FYB1: variants seen among roughly 807,000 people sequenced by gnomAD.
FYB1 encodes the protein FYN-binding protein 1.
FYB1 carries 41 observed loss-of-function variants against 94.1 expected under a neutral mutation model. The observed-to-expected ratio is 0.44, with a 90% CI of 0.34 to 0.57. The LOEUF (loss-of-function observed/expected upper bound fraction) is 0.57, where lower values mean the gene tolerates loss of function less well. FYB1 is among the 20% of genes least tolerant of loss of function. FYB1 has a pLI of 0.02. For missense variants in FYB1, 1,050 were observed against 976.8 expected (o/e 1.07, Z -1.00); for synonymous variants, 367 against 353.2 (o/e 1.04, Z -0.44).
At chr5:39,137,374 G>A (rs1741758810) in intron 7 of FYB1, 2 of 361,824 alleles carry the variant, frequency 5.5e-6, no homozygotes, top group Non-Finnish European at 9.9e-6. Context: ...AAATTTCCTG[G>A]GTGTCCACTA....
chr5:39,223,217 A>T (rs955637821), upstream of FYB1, among the ~76,000 whole-genome samples: 1 of 152,150 alleles, frequency 6.6e-6, no homozygotes, highest in African/African-American at 2.4e-5. Context: ...ACAGGCAACC[A>T]ATTTTCTGAA....
rs1210752524 is a variant in FYB1 at position 39,134,222 on chromosome 5, C to T, written c.1803G>A (p.Gln601=). 5.2e-5 allele frequency: 84 copies of T among 1,610,606 alleles called. No individual in the cohort carries two copies. The highest frequency in any genetic ancestry group is 5.9e-5 in the Non-Finnish European group (70 of 1,177,556). The part of the protein sequence containing the change: ...DQEVYDDVAE[Q]DDISSHSQSG... ...CTTGCACATACCTGCTAATATCATC[C>T]TGCTCTGCAACATCATCATATACTT... is the stretch of plus-strand genomic sequence containing the variant. Residue 601 remains glutamine, a synonymous_variant, in exon 9 of 19, where the codon CAG becomes CAA. Transcript: ENST00000512982.
At chr5:39,116,112 C>T (rs1286165949) in intron 16 of FYB1, among the ~76,000 whole-genome samples, 2 of 152,162 alleles carry the variant, frequency 1.3e-5, no homozygotes, top group African/African-American at 4.8e-5. Flanking sequence ...GATCAAGCTC[C>T]AATAATCCAA....
At chr5:39,162,203 G>T (rs551435197) in intron 2 of FYB1, among the ~76,000 whole-genome samples, 1 of 152,184 alleles carries the variant, frequency 6.6e-6, no homozygotes, top group Non-Finnish European at 1.5e-5. Context: ...AATACCAAGA[G>T]TAGAATTGCT....
chr5:39,257,820 A>G (rs79962210), intron 1 of FYB1, among the ~76,000 whole-genome samples: 1 of 150,976 alleles, frequency 6.6e-6, no homozygotes, highest in Non-Finnish European at 1.5e-5. Flanking sequence ...AAAAAAAAAA[A>G]GTACCTGAGC....
intron 2 of FYB1, among the ~76,000 whole-genome samples, chr5:39,180,001 C>A (rs1746072635): frequency 6.6e-6 from 1 of 152,154 alleles, no homozygotes; most frequent in South Asian, 2.1e-4. Context: ...ATTCTCCTTA[C>A]CTTGGCACTT....
intron 1 of FYB1, among the ~76,000 whole-genome samples, chr5:39,237,313 AG>A (rs1164014291): frequency 6.6e-6 from 1 of 152,126 alleles, no homozygotes; most frequent in African/African-American, 2.4e-5. Context: ...TGAAGATATT[AG>A]GTGCATACAT....
chr5:39,192,203 C>T (rs904826616), intron 2 of FYB1, among the ~76,000 whole-genome samples: 9 of 152,122 alleles, frequency 5.9e-5, no homozygotes, highest in South Asian at 2.1e-4. Flanking sequence ...TATGCACAAT[C>T]GAAAGGAAGT....
chr5:39,163,503 C>T (rs1019357529), intron 2 of FYB1, among the ~76,000 whole-genome samples: 3 of 152,150 alleles, frequency 2.0e-5, no homozygotes, highest in African/African-American at 7.2e-5. Context: ...TCTTCCAACT[C>T]AGATCTAACT....
chr5:39,136,267 C>T (rs796949468), intron 7 of FYB1, among the ~76,000 whole-genome samples: 5 of 151,802 alleles, frequency 3.3e-5, no homozygotes, highest in African/African-American at 1.2e-4. Context: ...TACTGAGTTT[C>T]ACTGTGTTAG....
At chr5:39,243,700 G>T (rs1403975683) in intron 1 of FYB1, among the ~76,000 whole-genome samples, 2 of 152,206 alleles carry the variant, frequency 1.3e-5, no homozygotes, top group East Asian at 3.9e-4. Context: ...AGCTGGATGG[G>T]GATGGCATTG....
At chr5:39,169,966 T>C in intron 2 of FYB1, 1 of 669,010 alleles carries the variant, frequency 1.5e-6, no homozygotes, top group Admixed American at 2.1e-5. Flanking sequence ...GGGCAGCTCA[T>C]CATCAGGTTC....
chr5:39,162,569 CA>C (rs1744349805), intron 2 of FYB1, among the ~76,000 whole-genome samples: 1 of 152,044 alleles, frequency 6.6e-6, no homozygotes, highest in African/African-American at 2.4e-5. Flanking sequence ...TCTGTAGTCC[CA>C]GCTACTCGGG....
At chr5:39,133,485 A>G (rs1485890718) in intron 9 of FYB1, among the ~76,000 whole-genome samples, 2 of 152,164 alleles carry the variant, frequency 1.3e-5, no homozygotes, top group African/African-American at 4.8e-5. Context: ...AAAAAATCAG[A>G]GCTGGAACAA....
chr5:39,241,298 T>C (rs1751194722), intron 1 of FYB1, among the ~76,000 whole-genome samples: 1 of 152,154 alleles, frequency 6.6e-6, no homozygotes, highest in African/African-American at 2.4e-5. Flanking sequence ...AACCTTCCCA[T>C]GTACCTCTGA....
At position 39,261,677 on chromosome 5, in the gene FYB1, G is replaced by A. The variant is rs374925289; in HGVS notation, c.-28+12726C>T. 1.7e-4 allele frequency among the ~76,000 whole-genome samples: 26 copies of A among 152,268 alleles called. 1 individual carries two copies. The highest frequency in any genetic ancestry group is 6.0e-4 in the African/African-American group (25 of 41,548). The stretch of plus-strand genomic sequence containing the variant: ...TAGGAGAGCCACTTGAACCCAGGAG[G>A]CGGAGATTGCAGTGAGCAGAGATCG... On this transcript the variant is annotated intron_variant, in intron 1 of 1. Coordinates refer to the FYB1 transcript ENST00000510188.
At chr5:39,141,045 C>T in intron 4 of FYB1, 50 bp downstream of exon 4, 1 of 1,316,736 alleles carries the variant, frequency 7.6e-7, no homozygotes, top group Non-Finnish European at 1.1e-6. Flanking sequence ...GCTCAAACTT[C>T]TGTACCTGAG....
At chr5:39,270,396 C>A (rs1278628658) in intron 1 of FYB1, among the ~76,000 whole-genome samples, 3 of 152,218 alleles carry the variant, frequency 2.0e-5, no homozygotes, top group Non-Finnish European at 2.9e-5. Flanking sequence ...TGTCTCTCAA[C>A]TGGCATGAAC....
chr5:39,142,538 C>A (rs573469965), intron 3 of FYB1, among the ~76,000 whole-genome samples: 4 of 152,282 alleles, frequency 2.6e-5, no homozygotes, highest in African/African-American at 7.2e-5. Context: ...ATTCTCCTTA[C>A]TTCACTCTTT....
Sources: allele counts gnomAD v4.1 joint callset (sites outside exome capture counted in the v4.1 genomes callset), GRCh38; gene constraint gnomAD v4.1.1; transcripts MANE v1.5; gene names NCBI Gene and HGNC (gene_info 2026-07-23, HGNC 2026-07-21).